PRELID2: variants seen among roughly 807,000 people sequenced by gnomAD.
PRELID2 encodes PRELI domain containing 2, also known as PRELI domain-containing protein 2.
A neutral mutation model predicts 28.4 loss-of-function variants in PRELID2; 25 were observed. The observed-to-expected ratio is 0.88, with a 90% CI of 0.64 to 1.23. The LOEUF is 1.23. Ranked by LOEUF, PRELID2 falls within the 50% of genes most tolerant of loss-of-function variation. PRELID2 has a pLI of 0.00. For missense variants in PRELID2, 201 were observed against 214.4 expected (o/e 0.94, Z 0.39); for synonymous variants, 76 against 71.6 (o/e 1.06, Z -0.31).
chr5:145,701,943 C>A (rs1034302583), intron 1 of PRELID2, among the ~76,000 whole-genome samples: 4 of 151,654 alleles, frequency 2.6e-5, no homozygotes, highest in Non-Finnish European at 5.9e-5. Context: ...CCCAGGTACT[C>A]GGGAGGCCAA....
chr5:145,682,895 C>T (rs1274475272), intron 1 of PRELID2, among the ~76,000 whole-genome samples: 1 of 152,132 alleles, frequency 6.6e-6, no homozygotes, highest in Non-Finnish European at 1.5e-5. Flanking sequence ...GGTTCCAAAA[C>T]TAACATCATC....
chr5:145,615,324 T>TGG (rs1561520565), intron 1 of PRELID2, among the ~76,000 whole-genome samples: 9 of 97,710 alleles, frequency 9.2e-5, no homozygotes, highest in South Asian at 3.4e-4. Context: ...GTCTCTTTTT[T>TGG]TTGTTTTTTT....
the PRELID2 span, among the ~76,000 whole-genome samples, chr5:145,356,371 A>T: frequency 6.6e-6 from 1 of 152,052 alleles, no homozygotes; most frequent in Non-Finnish European, 1.5e-5. Flanking sequence ...TTATTAATAA[A>T]ATAATATCCC....
the PRELID2 span, among the ~76,000 whole-genome samples, chr5:145,295,080 G>A: frequency 6.6e-6 from 1 of 152,054 alleles, no homozygotes; most frequent in Non-Finnish European, 1.5e-5. Context: ...GTCCTGGGCT[G>A]ATTGCTTTTG....
At chr5:145,468,619 G>A (rs1440991088), downstream of PRELID2, among the ~76,000 whole-genome samples, 1 of 152,164 alleles carries the variant, frequency 6.6e-6, no homozygotes, top group Non-Finnish European at 1.5e-5. Flanking sequence ...TCTAACTGGT[G>A]TGAGATGGCA....
At chr5:145,676,252 T>C (rs1206285008) in intron 1 of PRELID2, among the ~76,000 whole-genome samples, 17 of 144,904 alleles carry the variant, frequency 1.2e-4, no homozygotes, top group Admixed American at 1.1e-3. Flanking sequence ...ATAATGTGTC[T>C]CATTGTTTGT....
chr5:145,604,144 A>G (rs527829817), intron 1 of PRELID2, among the ~76,000 whole-genome samples: 1 of 152,192 alleles, frequency 6.6e-6, no homozygotes, highest in African/African-American at 2.4e-5. Flanking sequence ...GGTTTGTAAT[A>G]TAGATAAATT....
the PRELID2 span, among the ~76,000 whole-genome samples, chr5:145,262,455 A>G: frequency 1.3e-5 from 2 of 152,216 alleles, no homozygotes; most frequent in African/African-American, 4.8e-5. Flanking sequence ...CAGGTAACCT[A>G]TAAAAGAAAA....
At chr5:145,731,649 A>G (rs559757230) in intron 1 of PRELID2, among the ~76,000 whole-genome samples, 31 of 152,334 alleles carry the variant, frequency 2.0e-4, no homozygotes, top group African/African-American at 7.2e-4. Context: ...TACTTTTGAA[A>G]TTATGCTATG....
chr5:145,586,739 A>G (rs536224212), intron 1 of PRELID2, among the ~76,000 whole-genome samples: 1 of 152,132 alleles, frequency 6.6e-6, no homozygotes, highest in African/African-American at 2.4e-5. Context: ...TTAGAAAAGG[A>G]AAGTTTGAGA....
chr5:145,528,919 G>A (rs1029235737), intron 1 of PRELID2, among the ~76,000 whole-genome samples: 2 of 152,050 alleles, frequency 1.3e-5, no homozygotes, highest in African/African-American at 2.4e-5. Context: ...TAACTTAGAA[G>A]AATAAAAAAT....
chr5:145,255,045 C>G, the PRELID2 span, among the ~76,000 whole-genome samples: 12 of 152,114 alleles, frequency 7.9e-5, no homozygotes, highest in Non-Finnish European at 1.6e-4. Flanking sequence ...CCAACACACC[C>G]TGCCACCCCT....
intron 5 of PRELID2, among the ~76,000 whole-genome samples, chr5:145,769,257 T>A (rs866051042): frequency 1.3e-4 from 20 of 152,330 alleles, no homozygotes; most frequent in African/African-American, 4.8e-4. Context: ...TACAAGACTA[T>A]CTTTCTCTAT....
chr5:145,655,458 A>G (rs1403597479), intron 1 of PRELID2, among the ~76,000 whole-genome samples: 1 of 152,230 alleles, frequency 6.6e-6, no homozygotes, highest in African/African-American at 2.4e-5. Flanking sequence ...TCTAAGCCAA[A>G]AGAACAAAGC....
chr5:145,372,441 T>C, the PRELID2 span, among the ~76,000 whole-genome samples: 2 of 152,012 alleles, frequency 1.3e-5, no homozygotes, highest in Non-Finnish European at 2.9e-5. Context: ...ATATTGACAG[T>C]GGGGTGTTAA....
intron 5 of PRELID2, among the ~76,000 whole-genome samples, chr5:145,765,328 A>G (rs1757680195): frequency 6.6e-6 from 1 of 152,180 alleles, no homozygotes; most frequent in African/African-American, 2.4e-5. Flanking sequence ...GGCAGTAGTT[A>G]ATATTCATTG....
At chr5:145,244,615 G>A in the PRELID2 span, among the ~76,000 whole-genome samples, 1 of 152,048 alleles carries the variant, frequency 6.6e-6, no homozygotes, top group African/African-American at 2.4e-5. Flanking sequence ...TCTACAGGGA[G>A]ACTCTTCATT....
intron 1 of PRELID2, among the ~76,000 whole-genome samples, chr5:145,589,260 T>C (rs1028813802): frequency 2.0e-5 from 3 of 152,208 alleles, no homozygotes; most frequent in Non-Finnish European, 4.4e-5. Context: ...TAAATGTCCT[T>C]GCATTCAAAT....
At chr5:145,523,225 A>G (rs1353444296) in intron 1 of PRELID2, among the ~76,000 whole-genome samples, 1 of 152,204 alleles carries the variant, frequency 6.6e-6, no homozygotes, top group African/African-American at 2.4e-5. Context: ...CATGGGAGAA[A>G]CGTAAGTCAA....
Sources: allele counts gnomAD v4.1 joint callset (sites outside exome capture counted in the v4.1 genomes callset), GRCh38; gene constraint gnomAD v4.1.1; transcripts MANE v1.5; gene names NCBI Gene and HGNC (gene_info 2026-07-23, HGNC 2026-07-21).